Variants in PSMF1 observed in about 807,000 individuals in gnomAD.
The protein encoded by PSMF1 is proteasome inhibitor PI31 subunit.
In PSMF1, 30 loss-of-function variants were observed where a neutral mutation model predicts 29.3. The observed-to-expected ratio is 1.02, with a 90% CI of 0.77 to 1.39. The LOEUF (loss-of-function observed/expected upper bound fraction) is 1.39, where lower values mean the gene tolerates loss of function less well. Ranked by LOEUF, PSMF1 falls within the 40% of genes most tolerant of loss-of-function variation. PSMF1 has a pLI of 0.00. For synonymous variants in PSMF1, 134 were observed against 139.7 expected (o/e 0.96, Z 0.29); for missense variants, 344 against 357.5 (o/e 0.96, Z 0.31).
At chr20:1,137,647 CTTGTGGA>C (rs1241794468) in intron 4 of PSMF1, among the ~76,000 whole-genome samples, 2 of 152,016 alleles carry the variant, frequency 1.3e-5, no homozygotes, top group Non-Finnish European at 2.9e-5. Flanking sequence ...AAAGGAGGCT[CTTGTGGA>C]AAGAGTCATA....
At position 1,127,420 on chromosome 20, in the gene PSMF1, A is replaced by G. The variant is rs111615846; in HGVS notation, c.283-6A>G. ...AGTCTCTCACTTTCTATTTTCACCC[A>G]TCTAGGAATATGGCTCACAGCAAGT... On this transcript the variant is annotated splice_polypyrimidine_tract_variant and splice_region_variant and intron_variant, in intron 2 of 6. Transcript: ENST00000335877. 3 of 1,584,944 alleles carry G rather than the reference A, an allele frequency of 1.9e-6. No individual in the cohort carries two copies. Among genetic ancestry groups the G allele is most frequent in the Non-Finnish European group, 8.7e-7 (1 of 1,153,302 alleles).
At chr20:1,125,090 C>A (rs2086137524) in intron 1 of PSMF1, among the ~76,000 whole-genome samples, 1 of 152,208 alleles carries the variant, frequency 6.6e-6, no homozygotes. Flanking sequence ...GTATTCGGAT[C>A]TGTGTTTTTA....
intron 4 of PSMF1, among the ~76,000 whole-genome samples, chr20:1,153,784 A>C (rs2086560906): frequency 6.6e-6 from 1 of 152,194 alleles, no homozygotes; most frequent in South Asian, 2.1e-4. Context: ...AAGGACCAAG[A>C]TCTAATCATC....
At chr20:1,144,110 A>G (rs2086418559) in intron 4 of PSMF1, among the ~76,000 whole-genome samples, 1 of 152,152 alleles carries the variant, frequency 6.6e-6, no homozygotes, top group African/African-American at 2.4e-5. Context: ...AAAAAAATGG[A>G]AAAATGATAT....
At chr20:1,159,826 G>A (rs1410628506) in intron 4 of PSMF1, among the ~76,000 whole-genome samples, 2 of 152,130 alleles carry the variant, frequency 1.3e-5, no homozygotes, top group Non-Finnish European at 2.9e-5. Context: ...ACAGTATCCT[G>A]CGATTCCAGC....
At chr20:1,125,747 C>T in intron 2 of PSMF1, 97 bp downstream of exon 2, 1 of 1,447,760 alleles carries the variant, frequency 6.9e-7, no homozygotes. Context: ...CTTCAATGTT[C>T]ATGTAGCCCT....
At chr20:1,122,825 C>A (rs1280916498) in intron 1 of PSMF1, among the ~76,000 whole-genome samples, 1 of 152,216 alleles carries the variant, frequency 6.6e-6, no homozygotes, top group Admixed American at 6.5e-5. Context: ...CAGGGATTTT[C>A]TGTAACTCTG....
rs905876697 is a variant in PSMF1 at position 1,161,561 on chromosome 20, G to A, written c.552-1569G>A. ...CAGCACAAGGAAGATCAAGATCATC[G>A]TGCTCCCAGAGCGCAAGTACTCCGT... On this transcript the variant is annotated intron_variant, in intron 4 of 6. Coordinates refer to ENST00000335877, the MANE Select transcript of PSMF1 (RefSeq NM_006814.5). The A allele has an allele frequency of 3.8e-5, 23 of 609,178 alleles. No individual in the cohort carries two copies. The Middle Eastern group carries it at 1.3e-3, about 34-fold the overall frequency. 37.7% of individuals were successfully genotyped at this position (609,178 alleles called of 1,614,324 possible).
Position 1,164,151 on chromosome 20 carries a change from T to G in PSMF1, c.606-167T>G, listed in dbSNP as rs923717227. On this transcript the variant is annotated intron_variant, in intron 5 of 6. Coordinates refer to ENST00000335877, the MANE Select transcript of PSMF1 (RefSeq NM_006814.5). This position sits in a 1 kb window ranked among gnomAD's most constrained non-coding sequence, Gnocchi z 4.1. Reference sequence around the variant, plus strand: ...TGCTCTTCGTATAGGCTTTGTGTTCTTGCCCTTGCCCACTTTCCGCTGGCT... The same window carrying G: ...TGCTCTTCGTATAGGCTTTGTGTTCGTGCCCTTGCCCACTTTCCGCTGGCT... Among the ~76,000 whole-genome samples, 3 of 152,198 alleles carry G rather than the reference T, an allele frequency of 2.0e-5. No individual in the cohort carries two copies. Among genetic ancestry groups the G allele is most frequent in the African/African-American group, 7.2e-5 (3 of 41,460 alleles).
chr20:1,139,023 TA>T (rs2086346393), intron 4 of PSMF1, among the ~76,000 whole-genome samples: 1 of 151,478 alleles, frequency 6.6e-6, no homozygotes, highest in Non-Finnish European at 1.5e-5. Context: ...TAAAAATATA[TA>T]AATAATCTGG....
At chr20:1,142,729 A>G (rs892111834) in intron 4 of PSMF1, among the ~76,000 whole-genome samples, 2 of 152,236 alleles carry the variant, frequency 1.3e-5, no homozygotes, top group African/African-American at 2.4e-5. Flanking sequence ...CGCAATAAAC[A>G]TATATGTGCA....
chr20:1,118,522 G>C (rs1600135221), upstream of PSMF1: 1 of 371,552 alleles, frequency 2.7e-6, no homozygotes, highest in Admixed American at 4.5e-5. Context: ...CGCACTCCCT[G>C]GCGGAACCTT....
At chr20:1,135,044 C>T (rs780210732) in intron 3 of PSMF1, 77 bp from the exon 4 acceptor site, 55 of 1,493,790 alleles carry the variant, frequency 3.7e-5, no homozygotes, top group Admixed American at 2.4e-4. Context: ...CCGCCGCCGC[C>T]GTCGTTGCAG....
intron 3 of PSMF1, among the ~76,000 whole-genome samples, chr20:1,131,033 G>A (rs1227247863): frequency 5.9e-5 from 9 of 152,050 alleles, no homozygotes; most frequent in South Asian, 2.1e-4. Flanking sequence ...AGAATGCTGC[G>A]CCTCTGAGGA....
chr20:1,148,617 T>A (rs2086486627), intron 4 of PSMF1, among the ~76,000 whole-genome samples: 1 of 152,252 alleles, frequency 6.6e-6, no homozygotes, highest in Non-Finnish European at 1.5e-5. Flanking sequence ...ATAATCCATT[T>A]ACTAAAGTGC....
rs149990408 is a variant in PSMF1 at position 1,152,732 on chromosome 20, G to T, written c.552-10398G>T. On this transcript the variant is annotated intron_variant, in intron 4 of 6. Coordinates refer to ENST00000335877, the MANE Select transcript of PSMF1 (RefSeq NM_006814.5). Reference sequence around the variant, plus strand: ...TAATGGTGGTAGGTGGTAGACTATGGTGGTATATAAGGCAGGTGGCTCTGG... The same window carrying T: ...TAATGGTGGTAGGTGGTAGACTATGTTGGTATATAAGGCAGGTGGCTCTGG... Among the ~76,000 whole-genome samples, 104 of 152,356 alleles carry T rather than the reference G, an allele frequency of 6.8e-4. 1 individual carries two copies. In the South Asian group the frequency reaches 9.8e-3, roughly 14 times the overall value.
intron 4 of PSMF1, among the ~76,000 whole-genome samples, chr20:1,151,060 C>T (rs1188564804): frequency 6.6e-6 from 1 of 152,188 alleles, no homozygotes; most frequent in East Asian, 1.9e-4. Context: ...TTTTTCATTA[C>T]TTGTGCAACT....
At chr20:1,134,230 A>C (rs972247228) in intron 3 of PSMF1, among the ~76,000 whole-genome samples, 1 of 151,940 alleles carries the variant, frequency 6.6e-6, no homozygotes, top group African/African-American at 2.4e-5. Context: ...TAGTGCTATG[A>C]GGTTTCTTCT....
chr20:1,165,896 A>G lies in PSMF1; in HGVS notation c.*816A>G, dbSNP rs1205983767. On this transcript the variant is annotated 3_prime_UTR_variant, in exon 7 of 7. Transcript: ENST00000335877. ...TGCCACTAACTTAGTGAATGACCCT[A>G]AGCAAGTTCCTTCTCCTCTTAGGGC... is the stretch of plus-strand genomic sequence containing the variant. 5 of 1,256,766 alleles carry G rather than the reference A, an allele frequency of 4.0e-6. No individual in the cohort carries two copies. The highest frequency in any genetic ancestry group is 5.0e-6 in the Non-Finnish European group (5 of 991,094). 77.9% of individuals were successfully genotyped at this position (1,256,766 alleles called of 1,614,324 possible).
Sources: allele counts gnomAD v4.1 joint callset (sites outside exome capture counted in the v4.1 genomes callset), GRCh38; gene constraint gnomAD v4.1.1; non-coding constraint Gnocchi (gnomAD v3.1); transcripts MANE v1.5; gene names NCBI Gene and HGNC (gene_info 2026-07-23, HGNC 2026-07-21).